EFCAB5: variants seen among roughly 807,000 people sequenced by gnomAD.
EFCAB5 encodes the protein EF-hand calcium-binding domain-containing protein 5.
In EFCAB5, 131 loss-of-function variants were observed where a neutral mutation model predicts 167.9. That is an observed-to-expected ratio of 0.78 (90% CI 0.68 to 0.90). The LOEUF (loss-of-function observed/expected upper bound fraction) is 0.90. EFCAB5 is among the 40% of genes least tolerant of loss of function. The pLI, the probability that EFCAB5 is intolerant of heterozygous loss-of-function variation, is 0.00. For synonymous variants in EFCAB5, 574 were observed against 602.8 expected (o/e 0.95, Z 0.70); for missense variants, 1,663 against 1,745.2 (o/e 0.95, Z 0.84).
intron 10 of EFCAB5, among the ~76,000 whole-genome samples, chr17:30,055,068 C>T (rs1597733847): frequency 6.6e-6 from 1 of 151,896 alleles, no homozygotes; most frequent in Non-Finnish European, 1.5e-5. Context: ...GAGGCTGAGA[C>T]GGGTGGATCG....
intron 3 of EFCAB5, among the ~76,000 whole-genome samples, chr17:29,955,968 A>G (rs965708536): frequency 2.0e-5 from 3 of 152,238 alleles, no homozygotes; most frequent in Non-Finnish European, 4.4e-5. Context: ...AAAAGCAGAC[A>G]AATAGACCAA....
At chr17:29,944,952 T>A (rs562709967) in intron 3 of EFCAB5, among the ~76,000 whole-genome samples, 1 of 152,250 alleles carries the variant, frequency 6.6e-6, no homozygotes, top group South Asian at 2.1e-4. Context: ...ACTCCTGTAC[T>A]TGACCACATA....
At chr17:30,106,469 T>TTA (rs1370480426) in intron 22 of EFCAB5, among the ~76,000 whole-genome samples, 1 of 152,078 alleles carries the variant, frequency 6.6e-6, no homozygotes, top group Non-Finnish European at 1.5e-5. Flanking sequence ...ATTATTATTA[T>TTA]TTTTTGAAAT....
At chr17:30,082,401 T>TC (rs1220727268) in intron 17 of EFCAB5, among the ~76,000 whole-genome samples, 2 of 146,494 alleles carry the variant, frequency 1.4e-5, no homozygotes, top group Non-Finnish European at 3.0e-5. Context: ...TTTTTTTTTT[T>TC]TTTTTTTTTT....
At chr17:30,007,770 TGA>T (rs1389272903) in intron 7 of EFCAB5, among the ~76,000 whole-genome samples, 1 of 152,196 alleles carries the variant, frequency 6.6e-6, no homozygotes. Context: ...GAGGATCGCT[TGA>T]GCCTAGGAGT....
intron 14 of EFCAB5, chr17:30,068,715 C>T: frequency 5.9e-6 from 9 of 1,532,174 alleles, no homozygotes; most frequent in Non-Finnish European, 8.1e-6. Context: ...CAGTGGGTGG[C>T]AGAGTCGATG....
At chr17:30,106,973 T>G (rs974291827) in intron 22 of EFCAB5, among the ~76,000 whole-genome samples, 1 of 152,214 alleles carries the variant, frequency 6.6e-6, no homozygotes, top group African/African-American at 2.4e-5. Context: ...AATTTTGTTT[T>G]ATGGAAGAAG....
chr17:30,059,408 C>A, intron 13 of EFCAB5, 137 bp from the exon 14 acceptor site: 1 of 912,846 alleles, frequency 1.1e-6, no homozygotes, highest in Non-Finnish European at 1.6e-6. Flanking sequence ...ACTGCATTTT[C>A]CCTTAATATC....
At chr17:29,940,312 G>A (rs1016630030), upstream of EFCAB5, among the ~76,000 whole-genome samples, 19 of 152,200 alleles carry the variant, frequency 1.2e-4, no homozygotes, top group African/African-American at 4.1e-4. Flanking sequence ...CCTGACCTCA[G>A]GTGATCCACC....
chr17:30,031,820 G>A (rs2069487397), intron 7 of EFCAB5: 1 of 152,126 alleles, frequency 6.6e-6, no homozygotes, highest in Non-Finnish European at 1.5e-5. Flanking sequence ...CCAGGAGTTT[G>A]AGACCAGTTT....
intron 3 of EFCAB5, among the ~76,000 whole-genome samples, chr17:29,946,420 T>C (rs1038347685): frequency 1.4e-5 from 2 of 147,612 alleles, no homozygotes; most frequent in Admixed American, 7.0e-5. Flanking sequence ...GAAAAGAGTA[T>C]GGAAATTTCT....
At position 30,053,639 on chromosome 17, in the gene EFCAB5, T is replaced by TA. The variant is rs758277910; in HGVS notation, c.1686dup (p.Leu563ThrfsTer115). ...CTAGAACAAGGGTCAAGTAGAAGGT[T>TA]ACTGACAGAACAAGAAACACACAGA... On this transcript the variant is annotated frameshift_variant, in exon 10 of 23. Transcript: ENST00000394835. LOFTEE classifies it high-confidence loss of function. 6.2e-7 allele frequency: 1 copy of TA among 1,613,852 alleles called. No individual in the cohort carries two copies. The highest frequency in any genetic ancestry group is 1.1e-5 in the South Asian group (1 of 91,072).
intron 3 of EFCAB5, among the ~76,000 whole-genome samples, chr17:29,958,099 A>G (rs1050069285): frequency 2.0e-5 from 3 of 152,234 alleles, no homozygotes; most frequent in East Asian, 1.9e-4. Context: ...TTCAATGTTC[A>G]TAAGACTAAA....
intron 7 of EFCAB5, among the ~76,000 whole-genome samples, chr17:30,014,145 T>C (rs1356406885): frequency 1.3e-5 from 2 of 152,260 alleles, no homozygotes; most frequent in Non-Finnish European, 2.9e-5. Context: ...AGTTCTCATT[T>C]GATTGCACTG....
At position 30,053,918 on chromosome 17, in the gene EFCAB5, C is replaced by G. The variant is rs757728145; in HGVS notation, c.1964C>G (p.Pro655Arg). ...CCATACCAAAAATCAGAACAAGGAC[C>G]TTATGGAGAGATAATTTCAGAAGAG... Reference protein sequence around the residue: ...EEPYQKSEQGPYGEIISEEQE... With the variant: ...EEPYQKSEQGRYGEIISEEQE... Residue 655 changes from proline to arginine, a missense_variant, in exon 10 of 23, where the codon CCT becomes CGT. Coordinates refer to ENST00000394835, the MANE Select transcript of EFCAB5 (RefSeq NM_198529.4). The G allele has an allele frequency of 4.3e-6, 7 of 1,613,808 alleles. No individual in the cohort carries two copies. Among genetic ancestry groups the G allele is most frequent in the African/African-American group, 1.3e-5 (1 of 74,890 alleles).
chr17:30,039,082 C>A (rs2069699728), intron 8 of EFCAB5, among the ~76,000 whole-genome samples: 1 of 152,170 alleles, frequency 6.6e-6, no homozygotes, highest in South Asian at 2.1e-4. Context: ...CAAGGAGAAG[C>A]CGCAGGAGCC....
intron 12 of EFCAB5, among the ~76,000 whole-genome samples, chr17:30,056,984 T>C (rs1181015442): frequency 6.6e-6 from 1 of 152,222 alleles, no homozygotes; most frequent in Non-Finnish European, 1.5e-5. Flanking sequence ...GCATGAATGA[T>C]TGAATCAATG....
intron 7 of EFCAB5, among the ~76,000 whole-genome samples, chr17:30,016,009 C>G (rs563151761): frequency 1.3e-5 from 2 of 152,110 alleles, no homozygotes. Context: ...AAACTCCCAA[C>G]TTATTGGTCA....
rs956751529 is a variant in EFCAB5, at chr17:30,082,945, A to G, written c.3481A>G (p.Ile1161Val). The G allele has an allele frequency of 4.3e-6, 7 of 1,613,866 alleles. No homozygotes were observed. The highest frequency in any genetic ancestry group is 5.9e-6 in the Non-Finnish European group (7 of 1,179,898). Residue 1161 changes from isoleucine to valine, a missense_variant, in exon 18 of 23, where the codon ATT (isoleucine) becomes GTT (valine). Physicochemically the swap from Ile to Val is conservative, Grantham distance 29. Coordinates refer to ENST00000394835, the MANE Select transcript of EFCAB5 (RefSeq NM_198529.4). ...AYHYVHSREH[I>V]LHIVITGIGW... ...TCACTACGTCCACAGCCGGGAGCAC[A>G]TTCTGCATATTGTGATCACTGGCAT...
Sources: allele counts gnomAD v4.1 joint callset (sites outside exome capture counted in the v4.1 genomes callset), GRCh38; gene constraint gnomAD v4.1.1; transcripts MANE v1.5; gene names NCBI Gene and HGNC (gene_info 2026-07-23, HGNC 2026-07-21).